Variants in SORCS2 observed in about 807,000 individuals in gnomAD.
The protein encoded by SORCS2 is sortilin related VPS10 domain containing receptor 2, also known as VPS10 domain-containing receptor SorCS2.
In SORCS2, 100 loss-of-function variants were observed where a neutral mutation model predicts 141.6. The observed-to-expected ratio is 0.71, with a 90% confidence interval of 0.60 to 0.83. SORCS2 has a LOEUF of 0.83. Among genes scored for constraint, SORCS2 ranks in the 40% least tolerant of loss-of-function variants. The pLI, the probability that SORCS2 is intolerant of heterozygous loss-of-function variation, is 0.00. For synonymous variants in SORCS2, 789 were observed against 676.9 expected, an observed-to-expected ratio of 1.17 and a Z score of -2.57; for missense variants, 1,646 against 1,560.2, an observed-to-expected ratio of 1.05 and a Z score of -0.93.
chr4:7,319,962 T>C (rs1718796208), intron 1 of SORCS2, among the ~76,000 whole-genome samples: 1 of 152,084 alleles, frequency 6.6e-6, no homozygotes, highest in Admixed American at 6.6e-5. Context: ...GATGGTTGAG[T>C]TGGTGGTGTG....
chr4:7,521,567 G>A (rs1401919688), intron 2 of SORCS2, among the ~76,000 whole-genome samples: 8 of 152,158 alleles, frequency 5.3e-5, no homozygotes, highest in Non-Finnish European at 1.2e-4. Flanking sequence ...TGGAGCCATC[G>A]GGTCCTGGGC....
chr4:7,499,798 C>T (rs1345792297), intron 2 of SORCS2, among the ~76,000 whole-genome samples: 1 of 152,146 alleles, frequency 6.6e-6, no homozygotes, highest in Non-Finnish European at 1.5e-5. Flanking sequence ...TGGCAAGGTT[C>T]GTGCTGTGGT....
chr4:7,495,619 A>G (rs7691035), intron 2 of SORCS2, among the ~76,000 whole-genome samples: 10,453 of 152,260 alleles, frequency 0.069, 913 homozygotes, highest in African/African-American at 0.2. Flanking sequence ...TAGAGCTCAC[A>G]GGCTCATGTC....
At chr4:7,546,949 A>G (rs578106143) in intron 3 of SORCS2, among the ~76,000 whole-genome samples, 2 of 152,262 alleles carry the variant, frequency 1.3e-5, no homozygotes, top group Admixed American at 6.5e-5. Context: ...TTCCAAAGTG[A>G]TTTCTGCAAT....
chr4:7,389,206 A>C (rs1315240212), intron 1 of SORCS2, among the ~76,000 whole-genome samples: 1 of 152,148 alleles, frequency 6.6e-6, no homozygotes, highest in African/African-American at 2.4e-5. Flanking sequence ...GTCTTCGTCC[A>C]TGTTGGCTGG....
chr4:7,194,602 C>T (rs560647090), intron 1 of SORCS2, among the ~76,000 whole-genome samples: 2 of 152,148 alleles, frequency 1.3e-5, no homozygotes, highest in East Asian at 3.9e-4. Flanking sequence ...GTGCAGTGGG[C>T]CAGCAGGGGG....
intron 15 of SORCS2, 128 bp downstream of exon 15, chr4:7,712,981 A>C: frequency 7.3e-7 from 1 of 1,369,688 alleles, no homozygotes; most frequent in Non-Finnish European, 9.8e-7. Flanking sequence ...GTCTTCAGGG[A>C]ATCCCCAGCG....
At chr4:7,348,572 A>G (rs974372804) in intron 1 of SORCS2, among the ~76,000 whole-genome samples, 1 of 152,182 alleles carries the variant, frequency 6.6e-6, no homozygotes, top group Non-Finnish European at 1.5e-5. Context: ...GTATTTTGAG[A>G]TGGAGTTTCA....
At chr4:7,202,312 T>TA (rs1477839061) in intron 1 of SORCS2, among the ~76,000 whole-genome samples, 3 of 152,070 alleles carry the variant, frequency 2.0e-5, no homozygotes, top group African/African-American at 7.2e-5. Flanking sequence ...CATTTGTCAT[T>TA]AAAAAAATGG....
At chr4:7,734,215 A>G (rs1281009805) in intron 24 of SORCS2, 57 bp from the exon 25 acceptor site, 2 of 1,327,112 alleles carry the variant, frequency 1.5e-6, no homozygotes, top group African/African-American at 1.5e-5. Context: ...TGGGCTGGGG[A>G]TGGGACAGGG....
At chr4:7,208,765 A>G (rs1577276915) in intron 1 of SORCS2, among the ~76,000 whole-genome samples, 1 of 152,158 alleles carries the variant, frequency 6.6e-6, no homozygotes, top group African/African-American at 2.4e-5. Flanking sequence ...CTCTAGTCCT[A>G]TAGGGGAACC....
In SORCS2 at chr4:7,203,338, C is replaced by T. The variant is rs141415308; in HGVS notation, c.480+10212C>T. ...GCTTGGAAGGCTGAGGCAGAAGAAT[C>T]GCTTGAATCAGGGAGACGGAGATTG... On this transcript the variant is annotated intron_variant, in intron 1 of 26. Coordinates refer to ENST00000507866, the MANE Select transcript of SORCS2 (RefSeq NM_020777.3). Among the ~76,000 whole-genome samples, 960 of 152,314 alleles carry T rather than the reference C, an allele frequency of 6.3e-3. 10 individuals carry two copies. The highest frequency in any genetic ancestry group is 0.021 in the African/African-American group (888 of 41,544).
At chr4:7,437,396 C>T (rs775478781) in intron 2 of SORCS2, among the ~76,000 whole-genome samples, 14 of 152,196 alleles carry the variant, frequency 9.2e-5, no homozygotes, top group African/African-American at 1.4e-4. Flanking sequence ...ACCCTCCTCA[C>T]GCCCCCATGT....
At chr4:7,593,267 T>C (rs1310106744) in intron 3 of SORCS2, among the ~76,000 whole-genome samples, 1 of 152,136 alleles carries the variant, frequency 6.6e-6, no homozygotes, top group African/African-American at 2.4e-5. Context: ...TCTGCTGCAA[T>C]CTTTTGGCCA....
At chr4:7,624,905 A>G (rs1001941733) in intron 3 of SORCS2, among the ~76,000 whole-genome samples, 3 of 152,276 alleles carry the variant, frequency 2.0e-5, no homozygotes, top group Non-Finnish European at 4.4e-5. Flanking sequence ...ATCAGTGATC[A>G]TGGAGGAGGA....
intron 1 of SORCS2, among the ~76,000 whole-genome samples, chr4:7,224,872 T>C (rs1325827560): frequency 6.6e-6 from 1 of 152,228 alleles, no homozygotes; most frequent in African/African-American, 2.4e-5. Flanking sequence ...TGGAGGACCC[T>C]GAGCTTCATT....
rs1712756105 is a variant in SORCS2, at chr4:7,742,588, G to C, written c.*2324G>C. The C allele has an allele frequency of 6.6e-6, 1 of 152,192 alleles. No homozygotes were observed. Among genetic ancestry groups the C allele is most frequent in the Admixed American group, 6.5e-5 (1 of 15,282 alleles). 9.4% of individuals were successfully genotyped at this position (152,192 alleles called of 1,614,324 possible). On this transcript the variant is annotated 3_prime_UTR_variant, in exon 27 of 27. Transcript: ENST00000507866. ...TGGGAAGGAGGTGGCATCTGAGACA[G>C]CCTGATACGTTCCCGTCTGTGCACC...
intron 14 of SORCS2, 116 bp from the exon 15 acceptor site, chr4:7,712,617 G>A: frequency 7.0e-7 from 1 of 1,435,516 alleles, no homozygotes. Context: ...GCAGGAGAAG[G>A]ATATCTGTGC....
At chr4:7,512,767 C>T (rs547260571) in intron 2 of SORCS2, among the ~76,000 whole-genome samples, 20 of 152,200 alleles carry the variant, frequency 1.3e-4, no homozygotes, top group African/African-American at 4.1e-4. Context: ...GGCTCCACTC[C>T]CTCAGGTGTC....
Sources: gnomAD v4.1 joint callset for allele counts (sites outside exome capture counted in the v4.1 genomes callset) on GRCh38, gnomAD v4.1.1 for gene constraint, MANE v1.5 for transcripts, NCBI Gene and HGNC (gene_info 2026-07-23, HGNC 2026-07-21) for gene names.